The following PALM2AKAP2 variants were observed in gnomAD, a reference collection of about 807,000 sequenced individuals.
The protein encoded by PALM2AKAP2 is PALM2-AKAP2 fusion protein.
Under a neutral mutation model 71.5 loss-of-function variants are expected in PALM2AKAP2, and 37 were observed. That is an observed-to-expected ratio of 0.52 (90% CI 0.40 to 0.68). PALM2AKAP2 has a LOEUF of 0.68. PALM2AKAP2 is among the 30% of genes least tolerant of loss of function. The pLI is 0.00. For missense variants in PALM2AKAP2, 1,224 were observed against 1,191.8 expected (o/e 1.03, Z -0.40); for synonymous variants, 468 against 478.8 (o/e 0.98, Z 0.29).
intron 1 of PALM2AKAP2, among the ~76,000 whole-genome samples, chr9:109,702,064 T>G (rs1828069160): frequency 6.6e-6 from 1 of 152,284 alleles, no homozygotes; most frequent in East Asian, 1.9e-4. Context: ...CCAGTTAGAA[T>G]GGCAATCATT....
At chr9:109,687,021 G>A (rs1827815084) in intron 1 of PALM2AKAP2, among the ~76,000 whole-genome samples, 1 of 152,092 alleles carries the variant, frequency 6.6e-6, no homozygotes, top group African/African-American at 2.4e-5. Flanking sequence ...CATTTTTTAT[G>A]GCTGCATAGT....
At chr9:109,779,486 G>A (rs558267444), upstream of PALM2AKAP2, among the ~76,000 whole-genome samples, 24 of 152,286 alleles carry the variant, frequency 1.6e-4, no homozygotes, top group Non-Finnish European at 3.2e-4. Context: ...TTTACATACT[G>A]TCTCTCATTC....
intron 1 of PALM2AKAP2, among the ~76,000 whole-genome samples, chr9:109,787,446 G>C (rs1036405318): frequency 1.3e-5 from 2 of 152,122 alleles, no homozygotes; most frequent in African/African-American, 4.8e-5. Context: ...TAAATACTAG[G>C]AAATCAGATA....
At chr9:110,086,641 C>T (rs1334706875) in intron 1 of PALM2AKAP2, among the ~76,000 whole-genome samples, 1 of 152,174 alleles carries the variant, frequency 6.6e-6, no homozygotes, top group Non-Finnish European at 1.5e-5. Flanking sequence ...GTCTAAATGA[C>T]TTGACTATCA....
intron 6 of PALM2AKAP2, among the ~76,000 whole-genome samples, chr9:110,012,280 G>A (rs1314437990): frequency 2.0e-5 from 3 of 151,996 alleles, no homozygotes; most frequent in East Asian, 1.9e-4. Context: ...GTGACAGAGC[G>A]AGACTCTGTC....
At chr9:109,986,352 T>C (rs1235289230) in intron 6 of PALM2AKAP2, among the ~76,000 whole-genome samples, 1 of 152,252 alleles carries the variant, frequency 6.6e-6, no homozygotes, top group Non-Finnish European at 1.5e-5. Context: ...CTGTCAATAC[T>C]ATGAGTAACA....
At chr9:109,773,499 A>G (rs1829304147) in intron 1 of PALM2AKAP2, among the ~76,000 whole-genome samples, 1 of 152,210 alleles carries the variant, frequency 6.6e-6, no homozygotes, top group Non-Finnish European at 1.5e-5. Flanking sequence ...CTACTTTTGA[A>G]GTATTTTATT....
chr9:109,964,841 A>C (rs985189795), intron 6 of PALM2AKAP2, among the ~76,000 whole-genome samples: 11 of 152,212 alleles, frequency 7.2e-5, no homozygotes, highest in African/African-American at 2.7e-4. Context: ...ACAGATTTTC[A>C]AGTCAAGGAT....
At chr9:109,714,434 T>C (rs557893151) in intron 1 of PALM2AKAP2, among the ~76,000 whole-genome samples, 37 of 152,312 alleles carry the variant, frequency 2.4e-4, no homozygotes, top group Non-Finnish European at 3.7e-4. Flanking sequence ...CTTTAATTTC[T>C]CCTCCATTCC....
intron 1 of PALM2AKAP2, among the ~76,000 whole-genome samples, chr9:109,805,031 T>G (rs1354462808): frequency 2.0e-5 from 3 of 152,240 alleles, no homozygotes; most frequent in Non-Finnish European, 4.4e-5. Context: ...CGTTATAAAC[T>G]CTTCATAAAC....
At chr9:109,852,687 C>T (rs1006802935) in intron 1 of PALM2AKAP2, among the ~76,000 whole-genome samples, 3 of 152,122 alleles carry the variant, frequency 2.0e-5, no homozygotes, top group Non-Finnish European at 2.9e-5. Context: ...GCAACCTCAC[C>T]GACATCTGTT....
At chr9:109,870,078 C>T (rs955884627) in intron 2 of PALM2AKAP2, among the ~76,000 whole-genome samples, 2 of 152,134 alleles carry the variant, frequency 1.3e-5, no homozygotes, top group Non-Finnish European at 2.9e-5. Context: ...TTGGGAGGTC[C>T]TGAATTTCTG....
intron 3 of PALM2AKAP2, among the ~76,000 whole-genome samples, chr9:109,885,542 A>G (rs574661330): frequency 4.6e-5 from 7 of 152,162 alleles, no homozygotes; most frequent in Non-Finnish European, 1.0e-4. Flanking sequence ...CATAAATGAA[A>G]TCCCATTTTA....
At chr9:109,930,547 T>C (rs769356276) in intron 5 of PALM2AKAP2, among the ~76,000 whole-genome samples, 6 of 152,206 alleles carry the variant, frequency 3.9e-5, no homozygotes, top group Non-Finnish European at 7.3e-5. Context: ...TTCTTAGCGA[T>C]ACTCTACCTT....
Position 109,953,551 on chromosome 9 carries a change from C to A in PALM2AKAP2, c.496+21523C>A, listed in dbSNP as rs144798356. Among the ~76,000 whole-genome samples, 290 of 152,122 alleles carry A rather than the reference C, an allele frequency of 1.9e-3. 3 individuals carry two copies. The highest frequency in any genetic ancestry group is 6.7e-3 in the African/African-American group (278 of 41,510). On this transcript the variant is annotated intron_variant, in intron 6 of 9. Transcript: ENST00000302798. ...ATGAAAGTGGTGTGGAGGCCGGGCG[C>A]TGGAGGCCAGGTGCGGTGGCTCATG...
intron 3 of PALM2AKAP2, among the ~76,000 whole-genome samples, chr9:109,913,514 G>A (rs1830617818): frequency 6.6e-6 from 1 of 152,126 alleles, no homozygotes; most frequent in Non-Finnish European, 1.5e-5. Flanking sequence ...CCATTTACAG[G>A]CGTTGATTAG....
chr9:109,766,795 G>A (rs1829161992), intron 1 of PALM2AKAP2, among the ~76,000 whole-genome samples: 2 of 152,148 alleles, frequency 1.3e-5, no homozygotes, highest in South Asian at 4.2e-4. Flanking sequence ...CCATAATGTA[G>A]ATATTATTGT....
At chr9:109,828,229 T>C (rs1309610367) in intron 1 of PALM2AKAP2, among the ~76,000 whole-genome samples, 1 of 152,136 alleles carries the variant, frequency 6.6e-6, no homozygotes, top group Non-Finnish European at 1.5e-5. Flanking sequence ...CTTTGGGGTG[T>C]GTATGTGTGT....
intron 1 of PALM2AKAP2, among the ~76,000 whole-genome samples, chr9:109,658,817 C>A (rs1480772837): frequency 6.6e-6 from 1 of 152,136 alleles, no homozygotes; most frequent in Non-Finnish European, 1.5e-5. Flanking sequence ...AATTTCATTT[C>A]AACAGTCCCA....
Sources: allele counts gnomAD v4.1 joint callset (sites outside exome capture counted in the v4.1 genomes callset), GRCh38; gene constraint gnomAD v4.1.1; transcripts MANE v1.5; gene names NCBI Gene and HGNC (gene_info 2026-07-23, HGNC 2026-07-21).